Variants in STK39 observed in about 807,000 individuals in gnomAD.
STK39 encodes serine/threonine kinase 39.
In STK39, 20 loss-of-function variants were observed where a neutral mutation model predicts 77.8. That is an observed-to-expected ratio of 0.26 (90% confidence interval 0.18 to 0.37). STK39 has a LOEUF of 0.37. Among genes scored for constraint, STK39 ranks in the 10% least tolerant of loss-of-function variants. STK39 has a pLI of 1.00. For synonymous variants in STK39, 246 were observed against 234.1 expected, an observed-to-expected ratio of 1.05 and a Z score of -0.47; for missense variants, 479 against 656.5, an observed-to-expected ratio of 0.73 and a Z score of 2.95.
At chr2:168,220,737 T>C (rs1057329483) in intron 1 of STK39, among the ~76,000 whole-genome samples, 3 of 152,182 alleles carry the variant, frequency 2.0e-5, no homozygotes, top group Non-Finnish European at 2.9e-5. Context: ...CTTGCTTAGT[T>C]TCTTCTGGAT....
intron 16 of STK39, among the ~76,000 whole-genome samples, chr2:167,975,640 C>A (rs186370222): frequency 4.6e-5 from 7 of 152,192 alleles, no homozygotes; most frequent in Admixed American, 1.3e-4. Flanking sequence ...ACGGTGAAAC[C>A]CCGTCTCTAC....
Position 168,247,421 on chromosome 2 carries a change from G to C in STK39, c.15C>G (p.Ser5Arg). 2 of 1,236,818 alleles carry C rather than the reference G, an allele frequency of 1.6e-6. No individual in the cohort carries two copies. The highest frequency in any genetic ancestry group is 2.0e-6 in the Non-Finnish European group (2 of 980,192). The allele number at this position is 1,236,818 out of a possible 1,614,324, so 76.6% of individuals were successfully genotyped here. Reference sequence around the variant, plus strand: ...GAAGCTGGACGTGCACGGGCGAGCCGCTCGGCTCCGCCATGATGCTGCGGA... The same window carrying C: ...GAAGCTGGACGTGCACGGGCGAGCCCCTCGGCTCCGCCATGATGCTGCGGA... Reference protein sequence around the residue: MAEPSGSPVHVQLPQ... With the variant: MAEPRGSPVHVQLPQ... Residue 5 changes from serine (S) to arginine (R), a missense_variant, in exon 1 of 18, where the codon AGC (serine) becomes AGG (arginine). Ser to Arg is a moderately radical substitution (Grantham distance 110, BLOSUM62 -1). This residue lies in a region of STK39 where 96 missense variants were observed against 79.1 expected (regional missense o/e 1.21). Coordinates refer to ENST00000355999, the MANE Select transcript of STK39 (RefSeq NM_013233.3).
intron 1 of STK39, among the ~76,000 whole-genome samples, chr2:168,190,857 G>A (rs1381485766): frequency 6.6e-6 from 1 of 152,158 alleles, no homozygotes; most frequent in African/African-American, 2.4e-5. Flanking sequence ...CTGCTTGGAA[G>A]GGATAATCCA....
intron 10 of STK39, among the ~76,000 whole-genome samples, chr2:168,091,106 A>C (rs1394935692): frequency 7.2e-5 from 11 of 151,994 alleles, no homozygotes; most frequent in Non-Finnish European, 1.5e-4. Context: ...TGCTGTCTGC[A>C]AAGGGCAGAG....
intron 12 of STK39, among the ~76,000 whole-genome samples, chr2:168,066,354 G>A (rs1242074068): frequency 6.6e-6 from 1 of 152,148 alleles, no homozygotes; most frequent in Non-Finnish European, 1.5e-5. Context: ...CTAGATTATA[G>A]GTATACGGCG....
At chr2:168,007,567 A>T (rs1399508483) in intron 16 of STK39, among the ~76,000 whole-genome samples, 1 of 152,194 alleles carries the variant, frequency 6.6e-6, no homozygotes, top group Non-Finnish European at 1.5e-5. Flanking sequence ...TAGGTAGAAT[A>T]ACAAAATAAG....
chr2:168,074,452 C>A (rs1426102510), intron 12 of STK39, among the ~76,000 whole-genome samples: 1 of 152,080 alleles, frequency 6.6e-6, no homozygotes, highest in Non-Finnish European at 1.5e-5. Flanking sequence ...GATGACCAGG[C>A]CTCAAAGGGA....
intron 1 of STK39, among the ~76,000 whole-genome samples, chr2:168,199,015 T>C (rs1424371333): frequency 2.0e-5 from 3 of 152,236 alleles, no homozygotes; most frequent in African/African-American, 4.8e-5. Context: ...GTTTCCCTGA[T>C]GTCTCCAGAT....
intron 4 of STK39, 93 bp downstream of exon 4, chr2:168,163,646 G>C: frequency 1.2e-6 from 2 of 1,603,002 alleles, no homozygotes. Context: ...TCACACCTGT[G>C]AATCTGACCG....
chr2:168,190,009 C>T (rs966929104), intron 1 of STK39, among the ~76,000 whole-genome samples: 2 of 152,180 alleles, frequency 1.3e-5, no homozygotes, highest in African/African-American at 4.8e-5. Flanking sequence ...GAGATGTTGC[C>T]TTCTTGAACA....
At chr2:168,000,772 T>C (rs1683980246) in intron 16 of STK39, among the ~76,000 whole-genome samples, 1 of 152,112 alleles carries the variant, frequency 6.6e-6, no homozygotes, top group Admixed American at 6.5e-5. Flanking sequence ...AATGAAGAAA[T>C]GAGCCATGAA....
At chr2:167,959,414 C>T (rs1366761502) in intron 17 of STK39, among the ~76,000 whole-genome samples, 4 of 151,970 alleles carry the variant, frequency 2.6e-5, no homozygotes, top group Non-Finnish European at 4.4e-5. Flanking sequence ...CGTGAGCCAC[C>T]GCGCCCGGCC....
rs1686503494 is a variant in STK39 at position 168,090,909 on chromosome 2, T to C, written c.1090-15678A>G. The stretch of plus-strand genomic sequence containing the variant: ...CTTCCTCTAAGTATCTTGAAGATAC[T>C]GCGAGGAAAGGCATGGTTCTAAACG... On this transcript the variant is annotated intron_variant, in intron 10 of 17. Coordinates refer to ENST00000355999, the MANE Select transcript of STK39 (RefSeq NM_013233.3). 2.6e-5 allele frequency among the ~76,000 whole-genome samples: 4 copies of C among 152,156 alleles called. No individual in the cohort carries two copies. The South Asian group carries it at 8.3e-4, about 32-fold the overall frequency.
intron 3 of STK39, among the ~76,000 whole-genome samples, chr2:168,164,518 C>G (rs1574518326): frequency 6.6e-6 from 1 of 152,130 alleles, no homozygotes; most frequent in Non-Finnish European, 1.5e-5. Flanking sequence ...GCGATCCTCC[C>G]ACCTCAGCCT....
intron 10 of STK39, among the ~76,000 whole-genome samples, chr2:168,125,908 C>G (rs113998601): frequency 0.011 from 1,639 of 152,288 alleles, 27 homozygotes; most frequent in African/African-American, 0.037. Flanking sequence ...CTGCTTCTCT[C>G]CTGCTAAAGG....
At chr2:168,036,178 G>A (rs6725077) in intron 14 of STK39, among the ~76,000 whole-genome samples, 4,313 of 151,976 alleles carry the variant, frequency 0.028, 202 homozygotes, top group African/African-American at 0.098. Flanking sequence ...CCAAATCAGC[G>A]TGGGCGCCAA....
chr2:168,124,239 T>C lies in STK39; in HGVS notation c.1089+5302A>G, dbSNP rs189306666. Among the ~76,000 whole-genome samples the C allele has an allele frequency of 5.1e-4, 78 of 152,326 alleles. 1 individual carries two copies. Among genetic ancestry groups the C allele is most frequent in the African/African-American group, 1.9e-3 (77 of 41,570 alleles). ...AACCCTCCAGTAAATCTACTTCCAG[T>C]GAAAACACAGGCAACCATAAGAAGG... On this transcript the variant is annotated intron_variant, in intron 10 of 17. Coordinates refer to ENST00000355999, the MANE Select transcript of STK39 (RefSeq NM_013233.3).
chr2:168,218,682 A>C (rs1192667612), intron 1 of STK39, among the ~76,000 whole-genome samples: 1 of 152,198 alleles, frequency 6.6e-6, no homozygotes, highest in African/African-American at 2.4e-5. Flanking sequence ...CAAACAGAAG[A>C]ACACAGAATA....
intron 1 of STK39, among the ~76,000 whole-genome samples, chr2:168,182,331 A>G (rs189594437): frequency 5.3e-5 from 8 of 152,182 alleles, no homozygotes; most frequent in African/African-American, 1.9e-4. Flanking sequence ...AAGGGACATG[A>G]GCATCTACAT....
Sources: allele counts gnomAD v4.1 joint callset (sites outside exome capture counted in the v4.1 genomes callset), GRCh38; gene constraint gnomAD v4.1.1; regional missense constraint gnomAD v4.1.1; transcripts MANE v1.5; gene names NCBI Gene and HGNC (gene_info 2026-07-23, HGNC 2026-07-21).